CDKAL1: variants seen among roughly 807,000 people sequenced by gnomAD.
CDKAL1 encodes the protein threonylcarbamoyladenosine tRNA methylthiotransferase.
In CDKAL1, 32 loss-of-function variants were observed where a neutral mutation model predicts 68.2. The observed-to-expected ratio is 0.47, with a 90% CI of 0.35 to 0.63. CDKAL1 has a LOEUF of 0.63. Ranked by LOEUF, CDKAL1 falls within the 30% of genes least tolerant of loss-of-function variation. CDKAL1 has a pLI of 0.00. For missense variants in CDKAL1, 606 were observed against 696.7 expected, an observed-to-expected ratio of 0.87 and a Z score of 1.47; for synonymous variants, 234 against 244.3, an observed-to-expected ratio of 0.96 and a Z score of 0.39.
intron 8 of CDKAL1, among the ~76,000 whole-genome samples, chr6:20,798,363 CA>C (rs1216831470): frequency 6.6e-6 from 1 of 151,840 alleles, no homozygotes. Context: ...AAATTTATGT[CA>C]GTTTTAAAAA....
intron 4 of CDKAL1, among the ~76,000 whole-genome samples, chr6:20,571,130 T>G (rs1764683950): frequency 6.6e-6 from 1 of 152,190 alleles, no homozygotes; most frequent in Admixed American, 6.6e-5. Flanking sequence ...GTAAGTACTA[T>G]AGGTGAAAGA....
At position 21,052,373 on chromosome 6, in the gene CDKAL1, G is replaced by A. The variant is rs191535716; in HGVS notation, c.1056-12675G>A. 5.3e-5 allele frequency among the ~76,000 whole-genome samples: 8 copies of A among 152,000 alleles called. No homozygotes were observed. The East Asian group carries it at 1.4e-3, about 26-fold the overall frequency. Reference sequence around the variant, plus strand: ...TGTCTATTTTTTCTTATTAGAGGTGGAGTCTAGCCCTGTCACCCAGGCTGA... The same window carrying A: ...TGTCTATTTTTTCTTATTAGAGGTGAAGTCTAGCCCTGTCACCCAGGCTGA... On this transcript the variant is annotated intron_variant, in intron 11 of 15. Coordinates refer to ENST00000274695, the MANE Select transcript of CDKAL1 (RefSeq NM_017774.3).
At chr6:21,088,130 C>T (rs1288888198) in intron 12 of CDKAL1, among the ~76,000 whole-genome samples, 1 of 152,154 alleles carries the variant, frequency 6.6e-6, no homozygotes, top group Non-Finnish European at 1.5e-5. Context: ...ATTTCTCTGT[C>T]CCTTGTCCCT....
chr6:20,719,029 A>T (rs907636752), intron 5 of CDKAL1, among the ~76,000 whole-genome samples: 9 of 152,170 alleles, frequency 5.9e-5, no homozygotes, highest in Non-Finnish European at 8.8e-5. Context: ...TCAGAGAAGA[A>T]GATTTGTCTT....
At chr6:20,858,597 T>C in intron 9 of CDKAL1, among the ~76,000 whole-genome samples, 1 of 152,200 alleles carries the variant, frequency 6.6e-6, no homozygotes, top group Admixed American at 6.5e-5. Context: ...TGAGACAAGG[T>C]ATATCTTTGC....
chr6:21,000,472 A>T, intron 11 of CDKAL1, 100 bp downstream of exon 11: 2 of 1,027,028 alleles, frequency 1.9e-6, no homozygotes, highest in Non-Finnish European at 2.9e-6. Flanking sequence ...AAGGTACAAG[A>T]GAGAAGGCGA....
intron 4 of CDKAL1, among the ~76,000 whole-genome samples, chr6:20,562,108 A>G (rs1764289155): frequency 6.6e-6 from 1 of 152,198 alleles, no homozygotes; most frequent in Non-Finnish European, 1.5e-5. Flanking sequence ...ATGGTTATAT[A>G]TATTTCCATT....
intron 5 of CDKAL1, among the ~76,000 whole-genome samples, chr6:20,707,106 T>C (rs1265445003): frequency 6.6e-6 from 1 of 152,184 alleles, no homozygotes; most frequent in Non-Finnish European, 1.5e-5. Flanking sequence ...GAAAATTGGA[T>C]ATGAGGAGTT....
intron 9 of CDKAL1, among the ~76,000 whole-genome samples, chr6:20,864,165 G>A (rs953733303): frequency 2.3e-5 from 3 of 128,586 alleles, no homozygotes; most frequent in Non-Finnish European, 5.1e-5. Context: ...AAGTAATGCT[G>A]TCACATGAAA....
At position 20,672,700 on chromosome 6, in the gene CDKAL1, A is replaced by AT. The variant is rs755194104; in HGVS notation, c.371+23329dup. Among the ~76,000 whole-genome samples, 61 of 151,622 alleles carry AT rather than the reference A, an allele frequency of 4.0e-4. 1 individual carries two copies. Among genetic ancestry groups the AT allele is most frequent in the East Asian group, 7.9e-4 (4 of 5,094 alleles). The stretch of plus-strand genomic sequence containing the variant: ...TTTTTCTGAGTATTCTTTCATGTGA[A>AT]TTTTTTCAAATTAACTTTAGTATCA... On this transcript the variant is annotated intron_variant, in intron 5 of 15. Coordinates refer to ENST00000274695, the MANE Select transcript of CDKAL1 (RefSeq NM_017774.3).
At chr6:21,094,490 C>T (rs1773220616) in intron 12 of CDKAL1, among the ~76,000 whole-genome samples, 2 of 151,906 alleles carry the variant, frequency 1.3e-5, no homozygotes, top group Non-Finnish European at 2.9e-5. Context: ...AAACAAACAA[C>T]ATACACAAAA....
At chr6:20,752,327 G>A (rs1307322220) in intron 6 of CDKAL1, among the ~76,000 whole-genome samples, 1 of 151,570 alleles carries the variant, frequency 6.6e-6, no homozygotes, top group Non-Finnish European at 1.5e-5. Context: ...AAATTATCAT[G>A]TGTTGGCAAT....
chr6:20,990,049 C>G (rs1365650861), intron 10 of CDKAL1, among the ~76,000 whole-genome samples: 2 of 152,096 alleles, frequency 1.3e-5, no homozygotes, highest in Non-Finnish European at 2.9e-5. Context: ...TCGAGACCAG[C>G]CTGGCCAACG....
intron 6 of CDKAL1, among the ~76,000 whole-genome samples, chr6:20,741,236 C>T (rs886891690): frequency 1.3e-5 from 2 of 151,690 alleles, no homozygotes; most frequent in African/African-American, 2.4e-5. Flanking sequence ...TTTTCAGGGC[C>T]GACACAAAGC....
intron 11 of CDKAL1, among the ~76,000 whole-genome samples, chr6:21,039,552 A>G (rs1029312214): frequency 1.1e-4 from 17 of 152,224 alleles, no homozygotes; most frequent in Admixed American, 3.3e-4. Context: ...GATAAAAATT[A>G]TCACCTTGTG....
At chr6:20,558,208 C>T (rs939993142) in intron 4 of CDKAL1, among the ~76,000 whole-genome samples, 2 of 152,088 alleles carry the variant, frequency 1.3e-5, no homozygotes, top group African/African-American at 2.4e-5. Context: ...AAAATAAAAG[C>T]GAAGTACCAG....
At chr6:20,576,059 T>A (rs9350260) in intron 4 of CDKAL1, among the ~76,000 whole-genome samples, 35,613 of 152,128 alleles carry the variant, frequency 0.23, 5,075 homozygotes, top group East Asian at 0.53. Context: ...CATATATATG[T>A]AAGGAATTTA....
chr6:20,950,845 C>G (rs2150717650), intron 9 of CDKAL1, among the ~76,000 whole-genome samples: 1 of 152,142 alleles, frequency 6.6e-6, no homozygotes, highest in African/African-American at 2.4e-5. Context: ...TGGTGTGCGC[C>G]TGTAATCCCA....
chr6:20,788,662 A>G (rs1441266175), intron 8 of CDKAL1, among the ~76,000 whole-genome samples: 2 of 152,192 alleles, frequency 1.3e-5, no homozygotes, highest in Non-Finnish European at 2.9e-5. Context: ...AGCTTAGCAC[A>G]TTAATACATA....
Sources: gnomAD v4.1 joint callset for allele counts (sites outside exome capture counted in the v4.1 genomes callset) on GRCh38, gnomAD v4.1.1 for gene constraint, MANE v1.5 for transcripts, NCBI Gene and HGNC (gene_info 2026-07-23, HGNC 2026-07-21) for gene names.